The following NRXN1 variants were observed in gnomAD, a reference collection of about 807,000 sequenced individuals.
The protein encoded by NRXN1 is neurexin-1.
NRXN1 carries 39 observed loss-of-function variants against 150.9 expected under a neutral mutation model. The ratio of observed to expected loss-of-function variants is 0.26; its 90% CI spans 0.20 to 0.34. The LOEUF (loss-of-function observed/expected upper bound fraction) is 0.34. Ranked by LOEUF, NRXN1 falls within the 10% of genes least tolerant of loss-of-function variation. The pLI is 1.00. For synonymous variants in NRXN1, 924 were observed against 757.0 expected (o/e 1.22, Z -3.62); for missense variants, 1,815 against 1,949.9 (o/e 0.93, Z 1.30).
intron 17 of NRXN1, among the ~76,000 whole-genome samples, chr2:50,356,029 C>T (rs940445851): frequency 1.3e-5 from 2 of 151,720 alleles, no homozygotes; most frequent in African/African-American, 4.8e-5. Flanking sequence ...TTTTCCTACT[C>T]ATGTTATAAA....
intron 17 of NRXN1, among the ~76,000 whole-genome samples, chr2:50,283,885 A>C (rs2071780982): frequency 6.6e-6 from 1 of 152,088 alleles, no homozygotes; most frequent in Admixed American, 6.6e-5. Context: ...GATTTGGAGA[A>C]CTCTAGGTAA....
intron 17 of NRXN1, 33 bp downstream of exon 17, chr2:50,465,409 T>C (rs1387655076): frequency 1.3e-6 from 2 of 1,562,234 alleles, no homozygotes; most frequent in South Asian, 2.4e-5. Flanking sequence ...GAAGCAACGA[T>C]GAGTATCAGT....
At chr2:50,801,641 A>T (rs537203383) in intron 5 of NRXN1, among the ~76,000 whole-genome samples, 19 of 152,204 alleles carry the variant, frequency 1.2e-4, no homozygotes, top group Non-Finnish European at 2.8e-4. Context: ...TTTTATAAGA[A>T]AAAAAGCAAA....
chr2:50,347,264 C>G lies in NRXN1; in HGVS notation c.3365-110294G>C, dbSNP rs1029174229. The G allele has an allele frequency of 5.3e-6, 7 of 1,313,254 alleles. No individual in the cohort carries two copies. Among genetic ancestry groups the G allele is most frequent in the Middle Eastern group, 2.1e-4 (1 of 4,848 alleles). 81.4% of individuals were successfully genotyped at this position (1,313,254 alleles called of 1,614,324 possible). On this transcript the variant is annotated intron_variant, in intron 17 of 22. Transcript: ENST00000401669. The surrounding 1 kb of genome is among the most constrained non-coding windows in gnomAD (Gnocchi z 4.9). The stretch of plus-strand genomic sequence containing the variant: ...CCAGATTTCCAGGGCTCCAGGTTCT[C>G]GAGAGATACTCCCAAAGAGTTTCGG...
chr2:50,340,023 T>TAA (rs1441729664), intron 17 of NRXN1, among the ~76,000 whole-genome samples: 1 of 152,218 alleles, frequency 6.6e-6, no homozygotes, highest in East Asian at 1.9e-4. Flanking sequence ...AAACCCTGCC[T>TAA]TTTATATTGT....
chr2:50,573,763 T>TAAA (rs1465553170), intron 8 of NRXN1, among the ~76,000 whole-genome samples: 1 of 150,696 alleles, frequency 6.6e-6, no homozygotes, highest in Non-Finnish European at 1.5e-5. Context: ...ATAATAATAA[T>TAAA]AAATACAATA....
intron 17 of NRXN1, among the ~76,000 whole-genome samples, chr2:50,392,972 A>T (rs753188870): frequency 3.9e-5 from 6 of 152,064 alleles, no homozygotes; most frequent in Non-Finnish European, 7.4e-5. Context: ...TTAAATCTTC[A>T]TTTCTTTAAA....
intron 5 of NRXN1, among the ~76,000 whole-genome samples, chr2:50,724,864 C>G (rs147897945): frequency 2.9e-4 from 44 of 151,852 alleles, no homozygotes; most frequent in African/African-American, 1.0e-3. Context: ...AAGCTTTCTT[C>G]TTTTGCTCTT....
At chr2:50,691,795 T>C (rs1692123406) in intron 5 of NRXN1, among the ~76,000 whole-genome samples, 1 of 152,092 alleles carries the variant, frequency 6.6e-6, no homozygotes, top group African/African-American at 2.4e-5. Context: ...TCGGGGATGC[T>C]TCCATAGAAA....
Position 50,429,507 on chromosome 2 carries a change from T to A in NRXN1, c.3364+35935A>T, listed in dbSNP as rs1336016925. On this transcript the variant is annotated intron_variant, in intron 17 of 22. Transcript: ENST00000401669. ...CCTGACCTCAAGTGATCCACCCACCTTTGCCTCCCAAAGTGGTGGGATTAC... is the reference window on the plus strand; with the variant it reads ...CCTGACCTCAAGTGATCCACCCACCATTGCCTCCCAAAGTGGTGGGATTAC... Among the ~76,000 whole-genome samples, 3 of 152,128 alleles carry A rather than the reference T, an allele frequency of 2.0e-5. No homozygotes were observed. In the East Asian group the frequency reaches 5.8e-4, roughly 29 times the overall value.
At chr2:50,039,028 A>G (rs964241031) in intron 21 of NRXN1, among the ~76,000 whole-genome samples, 2 of 151,886 alleles carry the variant, frequency 1.3e-5, no homozygotes, top group Admixed American at 6.6e-5. Context: ...AAATACAAAA[A>G]TTAGCCAGTG....
At chr2:50,348,761 G>A (rs964745887) in intron 17 of NRXN1, among the ~76,000 whole-genome samples, 1 of 152,052 alleles carries the variant, frequency 6.6e-6, no homozygotes, top group African/African-American at 2.4e-5. Flanking sequence ...TGGTGATTAA[G>A]ACTTGGGACT....
intron 19 of NRXN1, among the ~76,000 whole-genome samples, chr2:50,059,294 T>A (rs1470058135): frequency 2.0e-5 from 3 of 152,170 alleles, no homozygotes; most frequent in Non-Finnish European, 2.9e-5. Flanking sequence ...AACATTGAAC[T>A]TGAGAGAGAT....
intron 5 of NRXN1, among the ~76,000 whole-genome samples, chr2:50,804,065 T>C (rs1234876423): frequency 6.6e-6 from 1 of 152,306 alleles, no homozygotes; most frequent in Middle Eastern, 3.4e-3. Flanking sequence ...TAAGTAAATA[T>C]TGCTGTGATT....
intron 5 of NRXN1, among the ~76,000 whole-genome samples, chr2:50,665,256 T>C (rs1375769030): frequency 2.0e-5 from 3 of 151,958 alleles, no homozygotes; most frequent in Non-Finnish European, 2.9e-5. Flanking sequence ...CACTATCTAC[T>C]ATCTAAGAAG....
chr2:50,996,045 A>G (rs1575163330), intron 2 of NRXN1, among the ~76,000 whole-genome samples: 1 of 152,096 alleles, frequency 6.6e-6, no homozygotes, highest in Non-Finnish European at 1.5e-5. Context: ...CCTACGTGGA[A>G]TATCTATGAC....
rs1668183960 is a variant in NRXN1 at position 49,921,450 on chromosome 2, G to A, written c.*494C>T. The A allele has an allele frequency of 6.5e-6, 1 of 153,222 alleles. No homozygotes were observed. Among genetic ancestry groups the A allele is most frequent in the Non-Finnish European group, 1.5e-5 (1 of 68,534 alleles). 9.5% of individuals were successfully genotyped at this position (153,222 alleles called of 1,614,324 possible). On this transcript the variant is annotated 3_prime_UTR_variant, in exon 23 of 23. Coordinates refer to ENST00000401669, the MANE Select transcript of NRXN1 (RefSeq NM_001330078.2). ...CCAACCACTGCTCCAGTTGCACCAG[G>A]CGGCAAACTCTTAAAGGTTTGCAGG...
chr2:50,268,019 G>A (rs922396925), intron 17 of NRXN1, among the ~76,000 whole-genome samples: 8 of 151,978 alleles, frequency 5.3e-5, no homozygotes, highest in Non-Finnish European at 1.2e-4. Context: ...GCGAAACCTC[G>A]TCTCTACCAA....
chr2:49,955,627 C>A (rs1373280887), intron 21 of NRXN1, among the ~76,000 whole-genome samples: 2 of 151,458 alleles, frequency 1.3e-5, no homozygotes, highest in African/African-American at 4.8e-5. Flanking sequence ...TTTTTACCTA[C>A]ATAATATTCC....
Sources: allele counts gnomAD v4.1 joint callset (sites outside exome capture counted in the v4.1 genomes callset), GRCh38; gene constraint gnomAD v4.1.1; non-coding constraint Gnocchi (gnomAD v3.1); transcripts MANE v1.5; gene names NCBI Gene and HGNC (gene_info 2026-07-23, HGNC 2026-07-21).